GSE1: variants seen among roughly 807,000 people sequenced by gnomAD.
GSE1 encodes the protein genetic suppressor element 1.
A neutral mutation model predicts 112.6 loss-of-function variants in GSE1; 32 were observed. The ratio of observed to expected loss-of-function variants is 0.28; its 90% CI spans 0.21 to 0.38. The LOEUF is 0.38. Ranked by LOEUF, GSE1 falls within the 10% of genes least tolerant of loss-of-function variation. The probability of loss-of-function intolerance (pLI) is 1.00; values close to 1 mark genes in which losing one functional copy is unlikely to be tolerated. For synonymous variants in GSE1, 1,115 were observed against 735.6 expected (o/e 1.52, Z -8.35); for missense variants, 2,348 against 1,699.2 (o/e 1.38, Z -6.71).
At chr16:85,180,377 C>A (rs565358652) in intron 1 of GSE1, among the ~76,000 whole-genome samples, 1 of 152,226 alleles carries the variant, frequency 6.6e-6, no homozygotes, top group Non-Finnish European at 1.5e-5. Flanking sequence ...CCACCGAGGC[C>A]ACGCTATCCT....
At position 85,528,279 on chromosome 16, in the gene GSE1, T is replaced by C. The variant is rs191485356; in HGVS notation, c.2465-105635T>C. Among the ~76,000 whole-genome samples the C allele has an allele frequency of 2.5e-3, 377 of 152,234 alleles. 2 individuals carry two copies. The highest frequency in any genetic ancestry group is 8.7e-3 in the African/African-American group (362 of 41,534). On this transcript the variant is annotated intron_variant, in intron 2 of 2. Transcript: ENST00000637419. The stretch of plus-strand genomic sequence containing the variant: ...TGGGGAAGATATAAAAGAGTAAGGA[T>C]TGGGGGAGCAGGGCAGGGATGGCTG...
In GSE1 at chr16:85,666,054, C is replaced by G. The variant is rs376986672; in HGVS notation, c.2837C>G (p.Ala946Gly). 2.4e-5 allele frequency: 38 copies of G among 1,613,480 alleles called. No homozygotes were observed. The highest frequency in any genetic ancestry group is 3.1e-5 in the Non-Finnish European group (36 of 1,180,036). Reference protein sequence around the residue: ...VAASLSDIPKAAEPGKLEQVR... With the variant: ...VAASLSDIPKGAEPGKLEQVR... ...GCTTCCTTGTCTGACATCCCAAAGGCCGCGGAGCCTGGGAAGCTGGAACAG... is the reference window on the plus strand; with the variant it reads ...GCTTCCTTGTCTGACATCCCAAAGGGCGCGGAGCCTGGGAAGCTGGAACAG... Residue 946 changes from alanine (A) to glycine (G), a missense_variant, in exon 13 of 16, where the codon GCC becomes GGC. Coordinates refer to ENST00000253458, the MANE Select transcript of GSE1 (RefSeq NM_014615.5).
intron 1 of GSE1, among the ~76,000 whole-genome samples, chr16:85,182,223 C>T (rs1323018669): frequency 1.3e-5 from 2 of 152,138 alleles, no homozygotes; most frequent in Non-Finnish European, 2.9e-5. Flanking sequence ...GAGGTGCCAT[C>T]GTGGGAACAA....
At chr16:85,324,657 G>T (rs2046188636) in intron 1 of GSE1, among the ~76,000 whole-genome samples, 1 of 152,178 alleles carries the variant, frequency 6.6e-6, no homozygotes, top group Non-Finnish European at 1.5e-5. Context: ...ACAAAATCTG[G>T]TCTACCCAGA....
At chr16:85,466,730 A>C (rs1435759600) in intron 2 of GSE1, among the ~76,000 whole-genome samples, 1 of 148,710 alleles carries the variant, frequency 6.7e-6, no homozygotes, top group Non-Finnish European at 1.5e-5. Flanking sequence ...AGGGAGAGAG[A>C]GGGAGAGCGC....
chr16:85,307,528 T>C (rs574266012), intron 1 of GSE1, among the ~76,000 whole-genome samples: 5 of 151,984 alleles, frequency 3.3e-5, no homozygotes, highest in Admixed American at 3.3e-4. Flanking sequence ...CCCAGGAGGG[T>C]TCCCAGCACA....
chr16:85,661,230 C>G lies in GSE1; in HGVS notation c.1725C>G (p.Pro575=), dbSNP rs761197485. Reference sequence around the variant, plus strand: ...CACCACCTCTGATTTCGCCCAAGCCCCAGCTCCATGCTGCACCCACGGCCC... The same window carrying G: ...CACCACCTCTGATTTCGCCCAAGCCGCAGCTCCATGCTGCACCCACGGCCC... ...GGPPPLISPK[P]QLHAAPTALW... Residue 575 remains proline (P), a synonymous_variant, in exon 9 of 16, where the codon CCC becomes CCG. Transcript: ENST00000253458. 1.3e-5 allele frequency: 21 copies of G among 1,612,320 alleles called. No individual in the cohort carries two copies. Among genetic ancestry groups the G allele is most frequent in the Non-Finnish European group, 1.7e-5 (20 of 1,179,562 alleles).
intron 1 of GSE1, among the ~76,000 whole-genome samples, chr16:85,614,026 G>T (rs578002860): frequency 2.6e-5 from 4 of 151,524 alleles, no homozygotes; most frequent in Admixed American, 6.6e-5. Context: ...GGCGCGCCCC[G>T]GGCTCGGCCG....
chr16:85,470,124 C>T (rs1240904137), intron 2 of GSE1, among the ~76,000 whole-genome samples: 1 of 152,246 alleles, frequency 6.6e-6, no homozygotes, highest in Non-Finnish European at 1.5e-5. Flanking sequence ...CCATGTTCCG[C>T]TTTTTATCAC....
chr16:85,586,896 C>A (rs1480141995), intron 1 of GSE1, among the ~76,000 whole-genome samples: 4 of 152,242 alleles, frequency 2.6e-5, no homozygotes, highest in African/African-American at 9.6e-5. Context: ...TAAATAATTC[C>A]AGCATGCAGC....
At chr16:85,537,560 C>T (rs1387003656) in intron 2 of GSE1, among the ~76,000 whole-genome samples, 1 of 152,194 alleles carries the variant, frequency 6.6e-6, no homozygotes. Context: ...GCGCAGGAAC[C>T]CCCTGTGGGA....
chr16:85,466,873 G>A (rs1008157727), intron 2 of GSE1, among the ~76,000 whole-genome samples: 112 of 152,086 alleles, frequency 7.4e-4, no homozygotes, highest in African/African-American at 2.4e-3. Flanking sequence ...CAGCCTGGCC[G>A]AAATGGCGAA....
intron 1 of GSE1, among the ~76,000 whole-genome samples, chr16:85,214,067 A>G (rs1407275549): frequency 6.6e-6 from 1 of 152,200 alleles, no homozygotes; most frequent in Non-Finnish European, 1.5e-5. Context: ...AATATCCCAT[A>G]ATAGGGCCTG....
chr16:85,557,210 A>T (rs983198677), intron 1 of GSE1, among the ~76,000 whole-genome samples: 6 of 151,944 alleles, frequency 3.9e-5, no homozygotes, highest in African/African-American at 1.5e-4. Context: ...GCGCGCCGTC[A>T]CCCCCACTCC....
At chr16:85,485,596 T>G (rs1597913590) in intron 2 of GSE1, among the ~76,000 whole-genome samples, 2 of 152,240 alleles carry the variant, frequency 1.3e-5, no homozygotes, top group Admixed American at 1.3e-4. Flanking sequence ...GGATTACAGC[T>G]AATGAGCCTG....
chr16:85,552,430 C>G (rs1391076699), upstream of GSE1, among the ~76,000 whole-genome samples: 1 of 122,632 alleles, frequency 8.2e-6, no homozygotes, highest in Non-Finnish European at 1.8e-5. Flanking sequence ...CTCCTGGGTT[C>G]ACGCCATTCT....
chr16:85,351,364 G>A (rs954169991), intron 1 of GSE1, among the ~76,000 whole-genome samples: 3 of 152,214 alleles, frequency 2.0e-5, no homozygotes, highest in Non-Finnish European at 4.4e-5. Flanking sequence ...TGACAAACCT[G>A]AAAACATGGT....
chr16:85,228,600 G>C (rs567743577), intron 1 of GSE1, among the ~76,000 whole-genome samples: 2 of 152,148 alleles, frequency 1.3e-5, no homozygotes, highest in Non-Finnish European at 2.9e-5. Flanking sequence ...GAAGTGTTGC[G>C]TGTCAGCAGT....
At chr16:85,198,312 T>G (rs1187788312) in intron 1 of GSE1, among the ~76,000 whole-genome samples, 1 of 151,954 alleles carries the variant, frequency 6.6e-6, no homozygotes, top group Non-Finnish European at 1.5e-5. Flanking sequence ...ACGGACGAGG[T>G]CAACAGGGGA....
Sources: allele counts gnomAD v4.1 joint callset (sites outside exome capture counted in the v4.1 genomes callset), GRCh38; gene constraint gnomAD v4.1.1; transcripts MANE v1.5; gene names NCBI Gene and HGNC (gene_info 2026-07-23, HGNC 2026-07-21).